Variants in IFT56 observed in about 807,000 individuals in gnomAD.
IFT56 encodes the protein intraflagellar transport 56.
chr7:139,133,831 G>T, the IFT56 span: 1 of 1,614,198 alleles, frequency 6.2e-7, no homozygotes, highest in Non-Finnish European at 8.5e-7. Flanking sequence ...TCGCTGTGTG[G>T]TGGGGACTCA....
At chr7:139,181,306 A>G in the IFT56 span, 2 of 770,178 alleles carry the variant, frequency 2.6e-6, no homozygotes, top group Non-Finnish European at 4.3e-6. Context: ...TAGTAGTGAG[A>G]GGATTCACGT....
chr7:139,172,749 G>T, the IFT56 span: 4 of 633,104 alleles, frequency 6.3e-6, no homozygotes, highest in Non-Finnish European at 1.2e-5. Context: ...GGTGGAAGCG[G>T]CTGGTCACCT....
the IFT56 span, chr7:139,178,525 A>G: frequency 6.2e-7 from 1 of 1,613,936 alleles, no homozygotes; most frequent in Non-Finnish European, 8.5e-7. Context: ...AGTTACTTCT[A>G]TAATGATGAC....
At chr7:139,165,038 A>G in the IFT56 span, 2 of 925,694 alleles carry the variant, frequency 2.2e-6, no homozygotes. Context: ...GTTGAATATC[A>G]TGAACCCAGT....
the IFT56 span, among the ~76,000 whole-genome samples, chr7:139,156,184 A>G: frequency 3.3e-5 from 5 of 152,060 alleles, no homozygotes. Context: ...CTCTAAGGTC[A>G]GTAGTATTGC....
chr7:139,140,168 A>G, the IFT56 span, among the ~76,000 whole-genome samples: 1 of 152,054 alleles, frequency 6.6e-6, no homozygotes, highest in African/African-American at 2.4e-5. Flanking sequence ...TTGAGTAACT[A>G]TGTTTAAAGA....
the IFT56 span, among the ~76,000 whole-genome samples, chr7:139,164,015 A>ATTTG: frequency 6.6e-6 from 1 of 152,028 alleles, no homozygotes; most frequent in Non-Finnish European, 1.5e-5. Context: ...CCTTTCATGG[A>ATTTG]TTTGTTTGTT....
the IFT56 span, among the ~76,000 whole-genome samples, chr7:139,184,782 T>C: frequency 9.2e-5 from 14 of 152,026 alleles, no homozygotes; most frequent in African/African-American, 2.7e-4. Context: ...AGGCCGGGCG[T>C]GGTGGCTGAT....
the IFT56 span, chr7:139,187,302 A>G: frequency 7.4e-6 from 10 of 1,354,556 alleles, no homozygotes; most frequent in African/African-American, 8.7e-5. Context: ...GTCAGCACCC[A>G]TGCACTTATT....
the IFT56 span, among the ~76,000 whole-genome samples, chr7:139,166,487 G>T: frequency 6.6e-6 from 1 of 151,496 alleles, no homozygotes; most frequent in East Asian, 1.9e-4. Context: ...GCAAATCTCA[G>T]ACTTCATGTC....
the IFT56 span, among the ~76,000 whole-genome samples, chr7:139,160,503 C>T: frequency 6.6e-6 from 1 of 150,622 alleles, no homozygotes; most frequent in Non-Finnish European, 1.5e-5. Context: ...AATCTTGGCT[C>T]ACTGCAACCT....
chr7:139,182,644 C>T, the IFT56 span, among the ~76,000 whole-genome samples: 1 of 152,086 alleles, frequency 6.6e-6, no homozygotes, highest in Non-Finnish European at 1.5e-5. Context: ...GTAGTAGCAG[C>T]AGCAGGAGCA....
the IFT56 span, among the ~76,000 whole-genome samples, chr7:139,139,026 A>T: frequency 6.6e-6 from 1 of 151,930 alleles, no homozygotes; most frequent in Non-Finnish European, 1.5e-5. Flanking sequence ...GTTGGCCAGG[A>T]TGGTCTCGAT....
At chr7:139,162,453 A>G in the IFT56 span, among the ~76,000 whole-genome samples, 6 of 152,332 alleles carry the variant, frequency 3.9e-5, no homozygotes, top group East Asian at 5.8e-4. Flanking sequence ...CTTTCATAAT[A>G]CTTTATTTTT....
At chr7:139,144,597 A>ATATG in the IFT56 span, among the ~76,000 whole-genome samples, 6,395 of 151,752 alleles carry the variant, frequency 0.042, 200 homozygotes, top group South Asian at 0.12. Flanking sequence ...GCTCCCAGTA[A>ATATG]TATGTATGTA....
the IFT56 span, among the ~76,000 whole-genome samples, chr7:139,154,799 T>G: frequency 2.0e-5 from 3 of 152,128 alleles, no homozygotes; most frequent in African/African-American, 7.2e-5. Context: ...TTTCCCAGAT[T>G]GTTTTGGTTA....
At chr7:139,157,698 G>T in the IFT56 span, among the ~76,000 whole-genome samples, 3 of 151,704 alleles carry the variant, frequency 2.0e-5, no homozygotes, top group African/African-American at 7.3e-5. Flanking sequence ...ATAGAGACAG[G>T]TCTCACTACA....
the IFT56 span, among the ~76,000 whole-genome samples, chr7:139,153,097 C>T: frequency 9.7e-3 from 1,431 of 148,258 alleles, 20 homozygotes; most frequent in African/African-American, 0.034. Flanking sequence ...TGCAATGAGC[C>T]GAGATTGCGC....
chr7:139,135,383 C>G, the IFT56 span, among the ~76,000 whole-genome samples: 1 of 151,912 alleles, frequency 6.6e-6, no homozygotes, highest in Non-Finnish European at 1.5e-5. Context: ...ATGAAGGGAC[C>G]TTTTATACAA....
Sources: allele counts gnomAD v4.1 joint callset (sites outside exome capture counted in the v4.1 genomes callset), GRCh38; gene constraint gnomAD v4.1.1; transcripts MANE v1.5; gene names NCBI Gene and HGNC (gene_info 2026-07-23, HGNC 2026-07-21).